The following WASHC2C variants were observed in gnomAD, a reference collection of about 807,000 sequenced individuals.
WASHC2C encodes WASH complex subunit 2C, also known as Vaccinia Penetration Factor.
Under a neutral mutation model 142.2 loss-of-function variants are expected in WASHC2C, and 73 were observed. That is an observed-to-expected ratio of 0.51 (90% CI 0.43 to 0.62). The LOEUF is 0.62. Among genes scored for constraint, WASHC2C ranks in the 20% least tolerant of loss-of-function variants. The pLI is 0.00. For synonymous variants in WASHC2C, 337 were observed against 565.5 expected, an observed-to-expected ratio of 0.60 and a Z score of 5.73; for missense variants, 969 against 1,531.7, an observed-to-expected ratio of 0.63 and a Z score of 6.13.
chr10:45,753,231 A>C lies in WASHC2C; in HGVS notation c.1174A>C (p.Lys392Gln). 3 of 1,239,038 alleles carry C rather than the reference A, an allele frequency of 2.4e-6. 1 individual carries two copies. The highest frequency in any genetic ancestry group is 3.2e-6 in the Non-Finnish European group (3 of 934,768). The allele number at this position is 1,239,038 out of a possible 1,614,324, so 76.8% of individuals were successfully genotyped here. ...GGATCGGCAAGCTGGAGCCTCTGTT[A>C]AGGAGGGTAAGCTGGGGCTGGGCAG... ...SQDRQAGASV[K>Q]EESSSSKPGK... Residue 392 changes from lysine to glutamine, a missense_variant, in exon 13 of 31, where the codon AAG becomes CAG. Physicochemically the swap from Lys to Gln is moderately conservative, Grantham distance 53 (BLOSUM62 1). Coordinates refer to ENST00000623400, the MANE Select transcript of WASHC2C (RefSeq NM_001330074.2).
intron 20 of WASHC2C, among the ~76,000 whole-genome samples, chr10:45,770,166 G>A (rs559720285): frequency 2.2e-4 from 33 of 151,488 alleles, no homozygotes; most frequent in African/African-American, 7.5e-4. Flanking sequence ...GCTTGAACTC[G>A]GGAGGTGGAG....
chr10:45,783,586 A>G (rs2057688029), intron 23 of WASHC2C, among the ~76,000 whole-genome samples: 2 of 152,016 alleles, frequency 1.3e-5, no homozygotes, highest in South Asian at 4.2e-4. Flanking sequence ...TCAGCCTCCC[A>G]AGTAGCTGGA....
chr10:45,737,851 T>C, intron 3 of WASHC2C, 132 bp from the exon 4 acceptor site: 3 of 1,592,696 alleles, frequency 1.9e-6, no homozygotes, highest in Non-Finnish European at 2.6e-6. Context: ...CACCTGGTAG[T>C]GGTCTCAGCC....
chr10:45,765,755 C>A lies in WASHC2C; in HGVS notation c.1814C>A (p.Ala605Asp). 1 of 1,612,000 alleles carries A rather than the reference C, an allele frequency of 6.2e-7. No homozygotes were observed. The highest frequency in any genetic ancestry group is 1.1e-5 in the South Asian group (1 of 90,990). The change falls in exon 19 of 31, where the codon GCC (alanine) becomes GAC (aspartate). Residue 605 changes from alanine to aspartate, a missense_variant. Ala to Asp is a moderately radical substitution (Grantham distance 126). Transcript: ENST00000623400. ...GCTCAGAGAGAAGAGAAAGCAAAAGCCTCCGAGCTCTCCAAAAAGAAAGCA... is the reference window on the plus strand; with the variant it reads ...GCTCAGAGAGAAGAGAAAGCAAAAGACTCCGAGCTCTCCAAAAAGAAAGCA... ...LQAQREEKAKASELSKKKASA... is the reference protein window; with the variant it reads ...LQAQREEKAKDSELSKKKASA...
At chr10:45,757,919 G>A (rs1398940491) in intron 16 of WASHC2C, among the ~76,000 whole-genome samples, 56 of 152,002 alleles carry the variant, frequency 3.7e-4, no homozygotes, top group African/African-American at 1.3e-3. Context: ...CTGCAGCCCA[G>A]GGTTGGGGAC....
intron 20 of WASHC2C, among the ~76,000 whole-genome samples, chr10:45,770,556 A>C (rs1554884261): frequency 6.6e-6 from 1 of 151,960 alleles, no homozygotes; most frequent in African/African-American, 2.4e-5. Flanking sequence ...TAGCAGAAAG[A>C]AGTAACTGAT....
chr10:45,784,311 T>TACAC (rs1554889101), intron 23 of WASHC2C, among the ~76,000 whole-genome samples: 3 of 58,134 alleles, frequency 5.2e-5, no homozygotes, highest in Admixed American at 1.7e-4. Context: ...TATATATATA[T>TACAC]ACACACACAT....
Position 45,790,408 on chromosome 10 carries a change from A to T in WASHC2C, c.3761A>T (p.Lys1254Met). 1.8e-5 allele frequency: 29 copies of T among 1,611,296 alleles called. No individual in the cohort carries two copies. Among genetic ancestry groups the T allele is most frequent in the Non-Finnish European group, 2.5e-5 (29 of 1,179,690 alleles). Reference protein sequence around the residue: ...AIKPSQKTREKEKTLESNLFD... With the variant: ...AIKPSQKTREMEKTLESNLFD... ...AAACCCTCTCAGAAAACCAGAGAGA[A>T]GGAGAAAACATTGGAATCTAATTTA... Residue 1254 changes from lysine to methionine, a missense_variant, in exon 30 of 31, where the codon AAG becomes ATG. Physicochemically the swap from Lys to Met is moderately conservative, Grantham distance 95 (BLOSUM62 -1). Transcript: ENST00000623400.
rs1394741237 is a variant in WASHC2C at position 45,732,690 on chromosome 10, TA to T, written c.291+3665del. Among the ~76,000 whole-genome samples, 5 of 152,308 alleles carry T rather than the reference TA, an allele frequency of 3.3e-5. No individual in the cohort carries two copies. The East Asian group carries it at 9.6e-4, about 29-fold the overall frequency. ...AGACCTTGGCAATGACCTTGAGCAGTAGGATATACATAATTCTGACAAGCTT... is the reference window on the plus strand; with the variant it reads ...AGACCTTGGCAATGACCTTGAGCAGTGGATATACATAATTCTGACAAGCTT... On this transcript the variant is annotated intron_variant, in intron 3 of 30. Coordinates refer to ENST00000623400, the MANE Select transcript of WASHC2C (RefSeq NM_001330074.2).
chr10:45,758,606 C>CTTTTTT (rs60416109), intron 16 of WASHC2C, among the ~76,000 whole-genome samples: 2 of 128,172 alleles, frequency 1.6e-5, no homozygotes, highest in African/African-American at 5.6e-5. Flanking sequence ...CATTCTTCTT[C>CTTTTTT]TTTTTTTTTT....
upstream of WASHC2C, chr10:45,727,169 G>T: frequency 2.1e-6 from 3 of 1,449,256 alleles, no homozygotes; most frequent in Non-Finnish European, 2.7e-6. Flanking sequence ...AGCATCGCAG[G>T]TCGGATCACG....
intron 2 of WASHC2C, 97 bp downstream of exon 2, chr10:45,727,636 C>G (rs1219572184): frequency 7.3e-7 from 1 of 1,363,794 alleles, no homozygotes; most frequent in Non-Finnish European, 9.7e-7. Flanking sequence ...CCTGGCCCGT[C>G]CCGTTGCCTG....
chr10:45,743,543 T>C lies in WASHC2C; in HGVS notation c.622+60T>C, dbSNP rs1203612114. ...CATTTCTTTTTTATTTTAAAATAAT[T>C]TCAAATTTTACATTAAAGTTTCAAG... is the stretch of plus-strand genomic sequence containing the variant. On this transcript the variant is annotated intron_variant, in intron 6 of 30. Coordinates refer to ENST00000623400, the MANE Select transcript of WASHC2C (RefSeq NM_001330074.2). The C allele has an allele frequency of 7.6e-6, 12 of 1,580,600 alleles. No individual in the cohort carries two copies. In the African/African-American group the frequency reaches 1.7e-4, roughly 22 times the overall value.
In WASHC2C at chr10:45,789,509, G is replaced by A. The variant is rs1265141505; in HGVS notation, c.3708+18G>A. 16 of 1,611,854 alleles carry A rather than the reference G, an allele frequency of 9.9e-6. No individual in the cohort carries two copies. The highest frequency in any genetic ancestry group is 2.2e-4 in the Middle Eastern group (1 of 4,452). On this transcript the variant is annotated intron_variant, in intron 29 of 30. Transcript: ENST00000623400. ...TTTTTGAGGTAATAGGACTTAACAC[G>A]TTTTTGTGTCTGTTCTAAGTTAAGG...
intron 23 of WASHC2C, among the ~76,000 whole-genome samples, chr10:45,784,314 A>G (rs2057859803): frequency 1.2e-5 from 1 of 85,548 alleles, no homozygotes; most frequent in African/African-American, 4.7e-5. Flanking sequence ...ATATATATAC[A>G]CACACATATA....
intron 19 of WASHC2C, among the ~76,000 whole-genome samples, chr10:45,766,158 C>T (rs1300593418): frequency 1.2e-4 from 18 of 151,836 alleles, no homozygotes; most frequent in South Asian, 4.2e-4. Flanking sequence ...TGCAAGTTTA[C>T]GTAAGATAAG....
At chr10:45,769,309 G>A in intron 19 of WASHC2C, 140 bp from the exon 20 acceptor site, 1 of 1,349,294 alleles carries the variant, frequency 7.4e-7, no homozygotes, top group Non-Finnish European at 1.0e-6. Flanking sequence ...TAGTAGAGAT[G>A]GGGTTTCACC....
intron 20 of WASHC2C, among the ~76,000 whole-genome samples, chr10:45,772,884 A>G (rs1354721090): frequency 6.6e-6 from 1 of 152,194 alleles, no homozygotes; most frequent in Non-Finnish European, 1.5e-5. Context: ...TCTTCATGAC[A>G]ATTCTGGAAA....
At chr10:45,761,856 G>A (rs2261038) in intron 17 of WASHC2C, among the ~76,000 whole-genome samples, 47 of 152,054 alleles carry the variant, frequency 3.1e-4, no homozygotes, top group African/African-American at 4.1e-4. Flanking sequence ...TGCAGGAGGG[G>A]CACGGGATGC....
Sources: allele counts gnomAD v4.1 joint callset (sites outside exome capture counted in the v4.1 genomes callset), GRCh38; gene constraint gnomAD v4.1.1; transcripts MANE v1.5; gene names NCBI Gene and HGNC (gene_info 2026-07-23, HGNC 2026-07-21).